The following ZBTB20 variants were observed in gnomAD, a reference collection of about 807,000 sequenced individuals.
ZBTB20 encodes zinc finger and BTB domain containing 20.
A neutral mutation model predicts 56.9 loss-of-function variants in ZBTB20; 9 were observed. The observed-to-expected ratio is 0.16, with a 90% CI of 0.10 to 0.28. The LOEUF (loss-of-function observed/expected upper bound fraction) is 0.28, where lower values mean the gene tolerates loss of function less well. Among genes scored for constraint, ZBTB20 ranks in the 10% least tolerant of loss-of-function variants. The pLI, the probability that ZBTB20 is intolerant of heterozygous loss-of-function variation, is 1.00. For missense variants in ZBTB20, 655 were observed against 1,003.0 expected (o/e 0.65, Z 4.69); for synonymous variants, 417 against 420.7 (o/e 0.99, Z 0.11).
chr3:114,652,253 C>T (rs1037694342), intron 6 of ZBTB20, among the ~76,000 whole-genome samples: 6 of 152,022 alleles, frequency 3.9e-5, no homozygotes, highest in Admixed American at 1.3e-4. Flanking sequence ...AGAATAGTTT[C>T]GCCTTCACAT....
intron 6 of ZBTB20, among the ~76,000 whole-genome samples, chr3:114,565,591 G>T (rs991334328): frequency 3.3e-5 from 5 of 152,090 alleles, no homozygotes; most frequent in African/African-American, 4.8e-5. Flanking sequence ...GTGCTTTGAT[G>T]ACACAAACTA....
intron 6 of ZBTB20, among the ~76,000 whole-genome samples, chr3:114,657,400 G>T (rs1009191603): frequency 2.6e-5 from 4 of 152,080 alleles, no homozygotes; most frequent in African/African-American, 7.2e-5. Flanking sequence ...TCCTAACTTT[G>T]TCTCCTCTTC....
intron 5 of ZBTB20, among the ~76,000 whole-genome samples, chr3:114,767,494 T>C (rs1230397476): frequency 6.9e-6 from 1 of 145,070 alleles, no homozygotes; most frequent in Non-Finnish European, 1.5e-5. Context: ...AAGAGAAATA[T>C]TGAAAAGAAA....
chr3:114,841,302 A>G (rs2074373875), intron 4 of ZBTB20, among the ~76,000 whole-genome samples: 1 of 152,198 alleles, frequency 6.6e-6, no homozygotes, highest in Admixed American at 6.5e-5. Context: ...AGTAATGAAG[A>G]GTATTCAAAA....
chr3:114,770,679 A>C (rs541542087), intron 5 of ZBTB20, among the ~76,000 whole-genome samples: 1 of 152,314 alleles, frequency 6.6e-6, no homozygotes, highest in South Asian at 2.1e-4. Flanking sequence ...TCATTTTCAT[A>C]AAAGGTAAGC....
intron 10 of ZBTB20, among the ~76,000 whole-genome samples, chr3:114,358,951 C>G (rs997470320): frequency 6.6e-6 from 1 of 152,154 alleles, no homozygotes; most frequent in Non-Finnish European, 1.5e-5. Flanking sequence ...GCTCTGTTCA[C>G]TAGGGAGCTC....
intron 4 of ZBTB20, among the ~76,000 whole-genome samples, chr3:114,836,034 C>T (rs2074104455): frequency 6.6e-6 from 1 of 152,128 alleles, no homozygotes; most frequent in Admixed American, 6.6e-5. Flanking sequence ...ATAAGACTTA[C>T]AGCAAAGCTG....
chr3:114,767,251 T>A (rs2068849155), intron 5 of ZBTB20, among the ~76,000 whole-genome samples: 1 of 152,080 alleles, frequency 6.6e-6, no homozygotes, highest in Non-Finnish European at 1.5e-5. Flanking sequence ...AGGTTTTGCA[T>A]AGATACTACC....
intron 5 of ZBTB20, among the ~76,000 whole-genome samples, chr3:114,700,679 T>C (rs1016854231): frequency 6.6e-6 from 1 of 152,136 alleles, no homozygotes; most frequent in Non-Finnish European, 1.5e-5. Flanking sequence ...TCAAACTCTC[T>C]CAATTCCAAA....
intron 8 of ZBTB20, chr3:114,387,835 T>C (rs1167054748): frequency 6.6e-6 from 1 of 152,250 alleles, no homozygotes; most frequent in African/African-American, 2.4e-5. Context: ...GTCATGTCTT[T>C]AGTCCCCAGT....
intron 4 of ZBTB20, among the ~76,000 whole-genome samples, chr3:114,844,538 A>AC (rs1553843937): frequency 1.5e-5 from 2 of 137,870 alleles, no homozygotes; most frequent in Non-Finnish European, 3.2e-5. Context: ...AAAAAAAAAA[A>AC]AAAAAAAAAA....
intron 6 of ZBTB20, among the ~76,000 whole-genome samples, chr3:114,625,887 C>A (rs2058634069): frequency 6.6e-6 from 1 of 152,052 alleles, no homozygotes; most frequent in Non-Finnish European, 1.5e-5. Flanking sequence ...TCAGAGGAGG[C>A]AAATTGCTCT....
At chr3:114,465,824 T>C (rs934831706) in intron 7 of ZBTB20, among the ~76,000 whole-genome samples, 1 of 152,032 alleles carries the variant, frequency 6.6e-6, no homozygotes, top group East Asian at 1.9e-4. Context: ...TTAAAACAAA[T>C]ATAAAAGACA....
intron 6 of ZBTB20, among the ~76,000 whole-genome samples, chr3:114,535,391 A>C (rs921032698): frequency 3.3e-5 from 5 of 152,204 alleles, no homozygotes; most frequent in African/African-American, 1.2e-4. Flanking sequence ...GAAAATCTAG[A>C]AGAAATGGAT....
chr3:114,476,750 G>A (rs1432560400), intron 7 of ZBTB20, among the ~76,000 whole-genome samples: 2 of 152,208 alleles, frequency 1.3e-5, no homozygotes, highest in Admixed American at 6.5e-5. Flanking sequence ...TTGCATCAGA[G>A]ATTAAGTGTC....
At position 115,040,092 on chromosome 3, in the gene ZBTB20, C is replaced by T. The variant is rs2081080996; in HGVS notation, c.-507+31127G>A. Among the ~76,000 whole-genome samples the T allele has an allele frequency of 2.6e-5, 4 of 152,148 alleles. No homozygotes were observed. The South Asian group carries it at 8.3e-4, about 32-fold the overall frequency. ...TGCTCACCATAAATATATACAATTT[C>T]ATTTGTCAATTAAAAATAATAACAA... On this transcript the variant is annotated intron_variant, in intron 2 of 11. Transcript: ENST00000675478.
intron 4 of ZBTB20, among the ~76,000 whole-genome samples, chr3:114,879,210 C>G (rs1173569926): frequency 6.6e-6 from 1 of 152,114 alleles, no homozygotes; most frequent in African/African-American, 2.4e-5. Context: ...AATTTGGAAC[C>G]TTTAGCAGCC....
chr3:114,938,015 C>T (rs759244847), intron 3 of ZBTB20, among the ~76,000 whole-genome samples: 1 of 151,704 alleles, frequency 6.6e-6, no homozygotes, highest in African/African-American at 2.4e-5. Flanking sequence ...AGGAGAATGG[C>T]GTGGAGGCAG....
At chr3:115,113,519 G>A (rs1372444722) in intron 1 of ZBTB20, among the ~76,000 whole-genome samples, 4 of 152,242 alleles carry the variant, frequency 2.6e-5, no homozygotes, top group Admixed American at 6.5e-5. Flanking sequence ...CTGCAGCACA[G>A]AAGTCTTGGT....
Sources: allele counts gnomAD v4.1 joint callset (sites outside exome capture counted in the v4.1 genomes callset), GRCh38; gene constraint gnomAD v4.1.1; transcripts MANE v1.5; gene names NCBI Gene and HGNC (gene_info 2026-07-23, HGNC 2026-07-21).